The following CASP14 variants were observed in gnomAD, a reference collection of about 807,000 sequenced individuals.
The protein encoded by CASP14 is caspase-14.
CASP14 carries 27 observed loss-of-function variants against 28.4 expected under a neutral mutation model. The ratio of observed to expected loss-of-function variants is 0.95; its 90% CI spans 0.70 to 1.31. CASP14 has a LOEUF of 1.31. CASP14 is among the 50% of genes most tolerant of loss of function. The pLI is 0.00. For synonymous variants in CASP14, 115 were observed against 118.6 expected (o/e 0.97, Z 0.20); for missense variants, 323 against 312.8 (o/e 1.03, Z -0.25).
intron 1 of CASP14, among the ~76,000 whole-genome samples, chr19:15,050,313 TGTGTGTGTGAGA>T (rs1245428492): frequency 1.5e-5 from 2 of 132,178 alleles, no homozygotes; most frequent in Non-Finnish European, 3.4e-5. Context: ...TGTGTGAGTG[TGTGTGTGTGAGA>T]GAGAGAGAGA....
At position 15,058,167 on chromosome 19, in the gene CASP14, C is replaced by CT. The variant is rs1477064939; in HGVS notation, c.*2084dup. 8 of 152,168 alleles carry CT rather than the reference C, an allele frequency of 5.3e-5. No homozygotes were observed. The allele number at this position is 152,168 out of a possible 1,614,324, so 9.4% of individuals were successfully genotyped here. ...CTTTTTCCAGAAAGCCATTTCCTCT[C>CT]TTTTTTCTGATTGATCCTTCCCTCT... On this transcript the variant is annotated 3_prime_UTR_variant, in exon 7 of 7. Coordinates refer to ENST00000427043, the MANE Select transcript of CASP14 (RefSeq NM_012114.3).
rs1449126064 is a variant in CASP14, at chr19:15,053,649, C to A, written c.177+18C>A. 1 of 1,614,106 alleles carries A rather than the reference C, an allele frequency of 6.2e-7. No homozygotes were observed. The highest frequency in any genetic ancestry group is 8.5e-7 in the Non-Finnish European group (1 of 1,180,028). ...CTGCCGAGGTATTGGGGTGCCTACT[C>A]CAGGCCTGTTTGGGGGAAAGGTACT... On this transcript the variant is annotated intron_variant, in intron 3 of 6. Coordinates refer to ENST00000427043, the MANE Select transcript of CASP14 (RefSeq NM_012114.3).
Position 15,052,265 on chromosome 19 carries a change from G to C in CASP14, c.14G>C (p.Arg5Pro), listed in dbSNP as rs142817732. The C allele has an allele frequency of 8.1e-5, 129 of 1,592,242 alleles. No individual in the cohort carries two copies. In the African/African-American group the frequency reaches 1.6e-3, roughly 20 times the overall value. Residue 5 changes from arginine (R) to proline (P), a missense_variant, in exon 2 of 7, where the codon CGG becomes CCG. By Grantham distance (103) the Arg-to-Pro change is moderately radical. Transcript: ENST00000427043. Reference sequence around the variant, plus strand: ...ACCAAAGGAGAAATGAGCAATCCGCGGTCTTTGGAAGAGGTAGGCTGGGTG... The same window carrying C: ...ACCAAAGGAGAAATGAGCAATCCGCCGTCTTTGGAAGAGGTAGGCTGGGTG... MSNP[R>P]SLEEEKYDMS...
In CASP14 at chr19:15,055,157, G is replaced by A. The variant is rs2046110064; in HGVS notation, c.404-1G>A. The A allele has an allele frequency of 1.2e-6, 2 of 1,613,210 alleles. No homozygotes were observed. The highest frequency in any genetic ancestry group is 1.7e-5 in the Admixed American group (1 of 59,972). On this transcript the variant is annotated splice_acceptor_variant, in intron 4 of 6. Coordinates refer to ENST00000427043, the MANE Select transcript of CASP14 (RefSeq NM_012114.3). LOFTEE classifies it high-confidence loss of function. ...GCCTCCTCCTCTTCTTGTTGTTTCA[G>A]AACAAAGGGACCCCGGTGAAACAGT...
rs779705637 is a variant in CASP14, at chr19:15,053,953, G to A, written c.398G>A (p.Arg133Gln). The A allele has an allele frequency of 9.9e-6, 16 of 1,612,772 alleles. No individual in the cohort carries two copies. Among genetic ancestry groups the A allele is most frequent in the South Asian group, 3.3e-5 (3 of 90,974 alleles). The stretch of plus-strand genomic sequence containing the variant: ...AAGGTGTACATCATACAGGCCTGTC[G>A]AGGAGGTGGGGACAGATCCAAGAGC... ...KPKVYIIQACRGEQRDPGETV... is the reference protein window; with the variant it reads ...KPKVYIIQACQGEQRDPGETV... The change falls in exon 4 of 7, where the codon CGA becomes CAA. Residue 133 changes from arginine to glutamine, a missense_variant. Coordinates refer to ENST00000427043, the MANE Select transcript of CASP14 (RefSeq NM_012114.3).
chr19:15,054,999 G>A (rs1381716333), intron 4 of CASP14, 159 bp from the exon 5 acceptor site: 1 of 629,966 alleles, frequency 1.6e-6, no homozygotes, highest in Non-Finnish European at 2.9e-6. Context: ...GAGTGTAGTG[G>A]TGCAATCATG....
chr19:15,052,330 T>A, intron 2 of CASP14, 52 bp downstream of exon 2: 1 of 1,503,470 alleles, frequency 6.7e-7, no homozygotes. Context: ...AGAAGGAAGG[T>A]GAGGATTTTA....
Position 15,055,271 on chromosome 19 carries a change from G to A in CASP14, c.517G>A (p.Glu173Lys), listed in dbSNP as rs1039008653. 1.9e-6 allele frequency: 3 copies of A among 1,613,144 alleles called. No homozygotes were observed. The highest frequency in any genetic ancestry group is 2.7e-5 in the African/African-American group (2 of 74,978). Residue 173 changes from glutamate to lysine, a missense_variant, in exon 5 of 7, where the codon GAG (glutamate) becomes AAG (lysine). By Grantham distance (56) the Glu-to-Lys change is moderately conservative. Transcript: ENST00000427043. Reference protein sequence around the residue: ...TDALHVYSTVEGYIAYRHDQK... With the variant: ...TDALHVYSTVKGYIAYRHDQK... ...TGCCTTGCACGTTTATTCCACGGTAGAGGGTATGAGCTCCCAGCTGGCCCA... is the reference window on the plus strand; with the variant it reads ...TGCCTTGCACGTTTATTCCACGGTAAAGGGTATGAGCTCCCAGCTGGCCCA...
Position 15,055,255 on chromosome 19 carries a change from C to A in CASP14, c.501C>A (p.His167Gln). 1 of 1,613,860 alleles carries A rather than the reference C, an allele frequency of 6.2e-7. No individual in the cohort carries two copies. The highest frequency in any genetic ancestry group is 8.5e-7 in the Non-Finnish European group (1 of 1,179,808). Residue 167 changes from histidine (H) to glutamine (Q), a missense_variant, in exon 5 of 7, where the codon CAC becomes CAA. Transcript: ENST00000427043. ...QTIPTYTDALHVYSTVEGYIA... is the reference protein window; with the variant it reads ...QTIPTYTDALQVYSTVEGYIA... ...TCCCAACATACACAGATGCCTTGCA[C>A]GTTTATTCCACGGTAGAGGGTATGA...
chr19:15,050,714 G>A (rs2046086474), intron 1 of CASP14, among the ~76,000 whole-genome samples: 1 of 151,982 alleles, frequency 6.6e-6, no homozygotes, highest in Non-Finnish European at 1.5e-5. Context: ...GGATGAATAA[G>A]TGGATGGATA....
intron 1 of CASP14, among the ~76,000 whole-genome samples, chr19:15,051,635 A>G (rs2046091406): frequency 6.6e-6 from 1 of 152,184 alleles, no homozygotes; most frequent in Non-Finnish European, 1.5e-5. Flanking sequence ...CAGGACTCAG[A>G]GATGAGAATG....
At chr19:15,053,134 G>T (rs2046098642) in intron 2 of CASP14, among the ~76,000 whole-genome samples, 1 of 151,890 alleles carries the variant, frequency 6.6e-6, no homozygotes, top group African/African-American at 2.4e-5. Context: ...TTTGAGACAG[G>T]GTCTCACTTA....
chr19:15,052,446 C>T (rs1033428328), intron 2 of CASP14, among the ~76,000 whole-genome samples, 168 bp downstream of exon 2: 4 of 152,048 alleles, frequency 2.6e-5, no homozygotes, highest in Admixed American at 1.3e-4. Flanking sequence ...GAGATGGAAC[C>T]GAAGTTGGGT....
chr19:15,056,215 C>T lies in CASP14; in HGVS notation c.*126C>T, dbSNP rs900729270. ...GCCAAATGGCACCCAGTTTCTTTTC[C>T]ATCACACCCTTCATGCAGGTCCTCC... On this transcript the variant is annotated 3_prime_UTR_variant, in exon 7 of 7. Coordinates refer to ENST00000427043, the MANE Select transcript of CASP14 (RefSeq NM_012114.3). 2.6e-5 allele frequency: 19 copies of T among 721,648 alleles called. No individual in the cohort carries two copies. The African/African-American group carries it at 3.0e-4, about 11-fold the overall frequency. 44.7% of individuals were successfully genotyped at this position (721,648 alleles called of 1,614,324 possible).
At chr19:15,055,396 A>G (rs2046111816) in intron 5 of CASP14, 34 bp from the exon 6 acceptor site, 1 of 1,600,246 alleles carries the variant, frequency 6.2e-7, no homozygotes. Flanking sequence ...TACCCTCTGA[A>G]GCTCCCCCGA....
In CASP14 at chr19:15,055,384, C is replaced by T. The variant is rs777984341; in HGVS notation, c.521-46C>T. 3.2e-6 allele frequency: 5 copies of T among 1,586,154 alleles called. No individual in the cohort carries two copies. The East Asian group carries it at 1.1e-4, about 35-fold the overall frequency. ...CCACGCCCTTCCAGGATCCCCTCTACCTACCCTCTGAAGCTCCCCCGAACC... is the reference window on the plus strand; with the variant it reads ...CCACGCCCTTCCAGGATCCCCTCTATCTACCCTCTGAAGCTCCCCCGAACC... On this transcript the variant is annotated intron_variant, in intron 5 of 6. Transcript: ENST00000427043.
chr19:15,051,544 G>A (rs1204092067), intron 1 of CASP14, among the ~76,000 whole-genome samples: 2 of 150,298 alleles, frequency 1.3e-5, no homozygotes, highest in African/African-American at 2.4e-5. Context: ...CCCTACTGAG[G>A]AGAAAGTGTA....
chr19:15,057,169 C>G lies in CASP14; in HGVS notation c.*1080C>G, dbSNP rs2046121523. On this transcript the variant is annotated 3_prime_UTR_variant, in exon 7 of 7. Coordinates refer to ENST00000427043, the MANE Select transcript of CASP14 (RefSeq NM_012114.3). Reference sequence around the variant, plus strand: ...GCTTCACTATCTTCCAACTCTACAGCCTGTATCTCTCCATCCCCAGCTTTG... The same window carrying G: ...GCTTCACTATCTTCCAACTCTACAGGCTGTATCTCTCCATCCCCAGCTTTG... 6.6e-6 allele frequency: 1 copy of G among 152,136 alleles called. No homozygotes were observed. Among genetic ancestry groups the G allele is most frequent in the African/African-American group, 2.4e-5 (1 of 41,416 alleles). The allele number at this position is 152,136 out of a possible 1,614,324, so 9.4% of individuals were successfully genotyped here.
Position 15,053,731 on chromosome 19 carries a change from A to G in CASP14, c.178-2A>G. The stretch of plus-strand genomic sequence containing the variant: ...TGAGTCTGGTTCTTCCTCTCACTCC[A>G]GCAATTCCAGGAAGAGCTGGAAAAA... On this transcript the variant is annotated splice_acceptor_variant, in intron 3 of 6. Coordinates refer to ENST00000427043, the MANE Select transcript of CASP14 (RefSeq NM_012114.3). LOFTEE classifies it high-confidence loss of function. The G allele has an allele frequency of 6.2e-7, 1 of 1,613,366 alleles. No homozygotes were observed.
Sources: allele counts gnomAD v4.1 joint callset (sites outside exome capture counted in the v4.1 genomes callset), GRCh38; gene constraint gnomAD v4.1.1; transcripts MANE v1.5; gene names NCBI Gene and HGNC (gene_info 2026-07-23, HGNC 2026-07-21).